The following CD79A variants were observed in gnomAD, a reference collection of about 807,000 sequenced individuals.
CD79A encodes CD79a molecule.
In CD79A, 16 loss-of-function variants were observed where a neutral mutation model predicts 27.4. The ratio of observed to expected loss-of-function variants is 0.58; its 90% CI spans 0.40 to 0.89. The LOEUF (loss-of-function observed/expected upper bound fraction) is 0.89, where lower values mean the gene tolerates loss of function less well. Among genes scored for constraint, CD79A ranks in the 40% least tolerant of loss-of-function variants. The probability of loss-of-function intolerance (pLI) is 0.00; values close to 1 mark genes in which losing one functional copy is unlikely to be tolerated. For missense variants in CD79A, 237 were observed against 299.7 expected (o/e 0.79, Z 1.55); for synonymous variants, 110 against 132.7 (o/e 0.83, Z 1.18).
rs74392757 is a variant in CD79A at position 41,878,283 on chromosome 19, C to T, written c.80-707C>T. On this transcript the variant is annotated intron_variant, in intron 1 of 4. Transcript: ENST00000221972. The surrounding 1 kb of genome is among the most constrained non-coding windows in gnomAD (Gnocchi z 4.3). ...AGAATGAGGGCCAGGCACAGGGTCA[C>T]AGGCCAGGGCAGGCCACAGACTGGC... Among the ~76,000 whole-genome samples the T allele has an allele frequency of 0.021, 3,130 of 152,314 alleles. 116 individuals carry two copies. The highest frequency in any genetic ancestry group is 0.07 in the African/African-American group (2,911 of 41,566).
Position 41,879,081 on chromosome 19 carries a change from TAGC to T in CD79A, c.176_178del (p.Ser59del), listed in dbSNP as rs868958703. 2 of 1,606,458 alleles carry T rather than the reference TAGC, an allele frequency of 1.2e-6. No individual in the cohort carries two copies. The highest frequency in any genetic ancestry group is 8.5e-7 in the Non-Finnish European group (1 of 1,175,464). On this transcript the variant is annotated inframe_deletion, in exon 2 of 5. Transcript: ENST00000221972. This position sits in a 1 kb window ranked among gnomAD's most constrained non-coding sequence, Gnocchi z 5.1. ...ACGCCCACTTCCAATGCCCGCACAA[TAGC>T]AGCAACAACGCCAACGTCACCTGGT...
At position 41,877,356 on chromosome 19, in the gene CD79A, C is replaced by A. The variant is rs782760214; in HGVS notation, c.52C>A (p.Leu18Ile). ...LQALPATIFL[L>I]FLLSAVYLGP... ...AGCTCTGCCTGCCACCATCTTCCTC[C>A]TCTTCCTGCTGTCTGCTGTCTACCT... Residue 18 changes from leucine (L) to isoleucine (I), a missense_variant, in exon 1 of 5, where the codon CTC becomes ATC. Physicochemically the swap from Leu to Ile is conservative, Grantham distance 5. Transcript: ENST00000221972. This position sits in a 1 kb window ranked among gnomAD's most constrained non-coding sequence, Gnocchi z 4.1. 6.2e-7 allele frequency: 1 copy of A among 1,614,172 alleles called. No homozygotes were observed. Among genetic ancestry groups the A allele is most frequent in the African/African-American group, 1.3e-5 (1 of 75,052 alleles).
Position 41,879,627 on chromosome 19 carries a change from G to A in CD79A, c.472G>A (p.Val158Met). The A allele has an allele frequency of 6.2e-7, 1 of 1,611,490 alleles. No homozygotes were observed. Among genetic ancestry groups the A allele is most frequent in the South Asian group, 1.1e-5 (1 of 90,692 alleles). The stretch of plus-strand genomic sequence containing the variant: ...GATCATCCTCCTGTTCTGCGCGGTG[G>A]TGCCTGGGACGCTGCTGCTGTTCAG... ...EGIILLFCAV[V>M]PGTLLLFRKR... The change falls in exon 3 of 5, where the codon GTG becomes ATG. Residue 158 changes from valine to methionine, a missense_variant. Physicochemically the swap from Val to Met is conservative, Grantham distance 21. Coordinates refer to ENST00000221972, the MANE Select transcript of CD79A (RefSeq NM_001783.4). This position sits in a 1 kb window ranked among gnomAD's most constrained non-coding sequence, Gnocchi z 5.1.
intron 4 of CD79A, 41 bp downstream of exon 4, chr19:41,880,779 GGGGT>G (rs1391749418): frequency 4.0e-6 from 6 of 1,510,292 alleles, no homozygotes; most frequent in Non-Finnish European, 4.5e-6. Context: ...AGTTGTGTTA[GGGGT>G]GGGGGTGTTC....
chr19:41,880,883 ACT>A lies in CD79A; in HGVS notation c.585_586del (p.Asp195GlufsTer5), dbSNP rs781821035. On this transcript the variant is annotated frameshift_variant, in exon 5 of 5. Coordinates refer to ENST00000221972, the MANE Select transcript of CD79A (RefSeq NM_001783.4). LOFTEE classifies it high-confidence loss of function. The stretch of plus-strand genomic sequence containing the variant: ...CCATCCCAGGGCCTGAACCTGGACG[ACT>A]GCTCCATGTATGAGGACATCTCCCG... 3 of 1,604,276 alleles carry A rather than the reference ACT, an allele frequency of 1.9e-6. No homozygotes were observed. The African/African-American group carries it at 4.0e-5, about 21-fold the overall frequency.
intron 3 of CD79A, among the ~76,000 whole-genome samples, 199 bp from the exon 4 acceptor site, chr19:41,880,451 GGGAAGGAAGGAAGGAAGGAA>G (rs782467863): frequency 1.3e-4 from 13 of 102,576 alleles, no homozygotes; most frequent in Admixed American, 5.4e-4. Flanking sequence ...AGGAAGGGAA[GGGAAGGAAGGAAGGAAGGAA>G]GGAAGGAAGG....
In CD79A at chr19:41,878,272, G is replaced by C. The variant is rs1280890741; in HGVS notation, c.80-718G>C. Among the ~76,000 whole-genome samples the C allele has an allele frequency of 3.3e-5, 5 of 152,214 alleles. No individual in the cohort carries two copies. The highest frequency in any genetic ancestry group is 1.2e-4 in the African/African-American group (5 of 41,456). ...ACAACTTACAGAGAATGAGGGCCAG[G>C]CACAGGGTCACAGGCCAGGGCAGGC... On this transcript the variant is annotated intron_variant, in intron 1 of 4. Coordinates refer to ENST00000221972, the MANE Select transcript of CD79A (RefSeq NM_001783.4). This position sits in a 1 kb window ranked among gnomAD's most constrained non-coding sequence, Gnocchi z 4.3.
chr19:41,880,456 GGAAGGAAGGAAGGAAGGAA>G (rs1287875611), intron 3 of CD79A, among the ~76,000 whole-genome samples, 195 bp from the exon 4 acceptor site: 1 of 39,160 alleles, frequency 2.6e-5, no homozygotes, highest in Non-Finnish European at 5.1e-5. Context: ...GGGAAGGGAA[GGAAGGAAGGAAGGAAGGAA>G]GGAAGGAAGG....
intron 3 of CD79A, among the ~76,000 whole-genome samples, 166 bp from the exon 4 acceptor site, chr19:41,880,504 G>T (rs892982141): frequency 6.8e-6 from 1 of 146,494 alleles, no homozygotes; most frequent in Non-Finnish European, 1.5e-5. Context: ...AAGGAAGGAA[G>T]GAGAACACTG....
In CD79A at chr19:41,877,454, A is replaced by G; in HGVS notation, c.79+71A>G. ...TGGAGGCTGCAGAGAGGGCACAGGC[A>G]GAGGGAAGGGGGCTCAGGGAAAGGG... On this transcript the variant is annotated intron_variant, in intron 1 of 4. Transcript: ENST00000221972. This position sits in a 1 kb window ranked among gnomAD's most constrained non-coding sequence, Gnocchi z 4.1. 7.9e-7 allele frequency: 1 copy of G among 1,259,776 alleles called. No homozygotes were observed. The allele number at this position is 1,259,776 out of a possible 1,614,324, so 78.0% of individuals were successfully genotyped here. A position where few individuals can be genotyped will look rare whatever the true frequency, so the allele number is the denominator to read the frequency against.
chr19:41,880,717 T>G lies in CD79A; in HGVS notation c.546T>G (p.Tyr182Ter). ...TCGGGTTGGATGCCGGGGATGAATA[T>G]GAAGATGAAAACCTTTATGAAGTGA... The part of the protein sequence containing the change: ...EKLGLDAGDE[Y>*]EDENLYEGLN... The change falls in exon 4 of 5, where the codon TAT becomes TAG. Residue 182 changes from tyrosine to a stop codon, truncating the protein, a stop_gained. Coordinates refer to ENST00000221972, the MANE Select transcript of CD79A (RefSeq NM_001783.4). LOFTEE classifies it high-confidence loss of function. 1 of 1,483,860 alleles carries G rather than the reference T, an allele frequency of 6.7e-7. No homozygotes were observed. The highest frequency in any genetic ancestry group is 9.0e-7 in the Non-Finnish European group (1 of 1,106,994). 91.9% of individuals were successfully genotyped at this position (1,483,860 alleles called of 1,614,324 possible).
At position 41,879,682 on chromosome 19, in the gene CD79A, C is replaced by G. The variant is rs373877668; in HGVS notation, c.498+29C>G. On this transcript the variant is annotated intron_variant, in intron 3 of 4. Coordinates refer to ENST00000221972, the MANE Select transcript of CD79A (RefSeq NM_001783.4). The surrounding 1 kb of genome is among the most constrained non-coding windows in gnomAD (Gnocchi z 5.1). ...AGCCCCCTCGGACCTCTGAGTCAGC[C>G]GGGCGAGGGCCTGGGCCGAGGGACC... 5.4e-6 allele frequency: 8 copies of G among 1,488,264 alleles called. No individual in the cohort carries two copies. The African/African-American group carries it at 1.1e-4, about 21-fold the overall frequency. 92.2% of individuals were successfully genotyped at this position (1,488,264 alleles called of 1,614,324 possible).
intron 3 of CD79A, 24 bp from the exon 4 acceptor site, chr19:41,880,646 C>CGGGGGGGGGGG: frequency 1.6e-5 from 17 of 1,069,098 alleles, no homozygotes; most frequent in Non-Finnish European, 2.3e-5. Flanking sequence ...CTCACTGAGG[C>CGGGGGGGGGGG]ACCCACCCCA....
At chr19:41,880,113 CAA>C (rs2074212703) in intron 3 of CD79A, among the ~76,000 whole-genome samples, 1 of 151,948 alleles carries the variant, frequency 6.6e-6, no homozygotes, top group Non-Finnish European at 1.5e-5. Flanking sequence ...AGTGGAGACT[CAA>C]GAAGACGCTA....
rs1429829008 is a variant in CD79A at position 41,879,887 on chromosome 19, G to A, written c.498+234G>A. On this transcript the variant is annotated intron_variant, in intron 3 of 4. Coordinates refer to ENST00000221972, the MANE Select transcript of CD79A (RefSeq NM_001783.4). This position sits in a 1 kb window ranked among gnomAD's most constrained non-coding sequence, Gnocchi z 5.1. Reference sequence around the variant, plus strand: ...GTTTCCCCTTCTGGGCTGTCCTCACGTCCACCTCCCCCCAAGAAGAGTCTC... The same window carrying A: ...GTTTCCCCTTCTGGGCTGTCCTCACATCCACCTCCCCCCAAGAAGAGTCTC... Among the ~76,000 whole-genome samples the A allele has an allele frequency of 6.6e-6, 1 of 152,094 alleles. No homozygotes were observed. Among genetic ancestry groups the A allele is most frequent in the Non-Finnish European group, 1.5e-5 (1 of 68,012 alleles).
Position 41,877,453 on chromosome 19 carries a change from C to A in CD79A, c.79+70C>A. The A allele has an allele frequency of 7.9e-7, 1 of 1,271,208 alleles. No homozygotes were observed. Among genetic ancestry groups the A allele is most frequent in the Non-Finnish European group, 1.2e-6 (1 of 868,034 alleles). The allele number at this position is 1,271,208 out of a possible 1,614,324, so 78.7% of individuals were successfully genotyped here. A position where few individuals can be genotyped will look rare whatever the true frequency, so the allele number is the denominator to read the frequency against. On this transcript the variant is annotated intron_variant, in intron 1 of 4. Coordinates refer to ENST00000221972, the MANE Select transcript of CD79A (RefSeq NM_001783.4). The surrounding 1 kb of genome is among the most constrained non-coding windows in gnomAD (Gnocchi z 4.1). ...GTGGAGGCTGCAGAGAGGGCACAGG[C>A]AGAGGGAAGGGGGCTCAGGGAAAGG...
At position 41,879,095 on chromosome 19, in the gene CD79A, CCAA is replaced by C; in HGVS notation, c.187_189del (p.Asn63del). The C allele has an allele frequency of 6.2e-7, 1 of 1,614,112 alleles. No individual in the cohort carries two copies. ...TGCCCGCACAATAGCAGCAACAACG[CCAA>C]CGTCACCTGGTGGCGCGTCCTCCAT... On this transcript the variant is annotated inframe_deletion, in exon 2 of 5. Coordinates refer to ENST00000221972, the MANE Select transcript of CD79A (RefSeq NM_001783.4). The surrounding 1 kb of genome is among the most constrained non-coding windows in gnomAD (Gnocchi z 5.1).
chr19:41,881,204 A>T lies in CD79A; in HGVS notation c.*224A>T. On this transcript the variant is annotated 3_prime_UTR_variant, in exon 5 of 5. Transcript: ENST00000221972. ...TCCCTCTAAACTGCCCCACCTCCTA[A>T]CCTAATCCCCCCGCCCCGCTGCCTT... 1 of 600,486 alleles carries T rather than the reference A, an allele frequency of 1.7e-6. No individual in the cohort carries two copies. The highest frequency in any genetic ancestry group is 3.0e-6 in the Non-Finnish European group (1 of 333,078). The allele number at this position is 600,486 out of a possible 1,614,324, so 37.2% of individuals were successfully genotyped here.
Position 41,878,935 on chromosome 19 carries a change from G to A in CD79A, c.80-55G>A. On this transcript the variant is annotated intron_variant, in intron 1 of 4. Transcript: ENST00000221972. The surrounding 1 kb of genome is among the most constrained non-coding windows in gnomAD (Gnocchi z 4.3). ...TGCTGGAACTGCAGGGGCCAGGGCT[G>A]GGGAAATGTGTCACCATCCCCAGTC... The A allele has an allele frequency of 6.9e-7, 1 of 1,440,670 alleles. No individual in the cohort carries two copies. Among genetic ancestry groups the A allele is most frequent in the Non-Finnish European group, 9.6e-7 (1 of 1,039,080 alleles). 89.2% of individuals were successfully genotyped at this position (1,440,670 alleles called of 1,614,324 possible).
Sources: gnomAD v4.1 joint callset for allele counts (sites outside exome capture counted in the v4.1 genomes callset) on GRCh38, gnomAD v4.1.1 for gene constraint, Gnocchi (gnomAD v3.1) non-coding constraint, MANE v1.5 for transcripts, NCBI Gene and HGNC (gene_info 2026-07-23, HGNC 2026-07-21) for gene names.